Variants in ZFHX3 observed in about 807,000 individuals in gnomAD.
The protein encoded by ZFHX3 is zinc finger homeobox protein 3.
A neutral mutation model predicts 279.1 loss-of-function variants in ZFHX3; 42 were observed. The observed-to-expected ratio is 0.15, with a 90% confidence interval of 0.12 to 0.19. The LOEUF (loss-of-function observed/expected upper bound fraction) is 0.19. Ranked by LOEUF, ZFHX3 falls within the 10% of genes least tolerant of loss-of-function variation. The probability of loss-of-function intolerance (pLI) is 1.00; values close to 1 mark genes in which losing one functional copy is unlikely to be tolerated. For missense variants in ZFHX3, 4,981 were observed against 4,754.0 expected (o/e 1.05, Z -1.40); for synonymous variants, 2,293 against 1,957.8 (o/e 1.17, Z -4.52).
intron 2 of ZFHX3, among the ~76,000 whole-genome samples, chr16:73,491,673 A>T (rs1378054559): frequency 1.3e-5 from 2 of 152,208 alleles, no homozygotes; most frequent in African/African-American, 4.8e-5. Flanking sequence ...GATATGGTCT[A>T]AAATGAAACT....
chr16:73,147,032 T>C lies in ZFHX3; in HGVS notation c.-1103-3201A>G, dbSNP rs575167293. 4.6e-5 allele frequency among the ~76,000 whole-genome samples: 7 copies of C among 152,282 alleles called. No individual in the cohort carries two copies. In the South Asian group the frequency reaches 1.2e-3, roughly 27 times the overall value. ...TAGGGAGAAAAGTGAGGTTGGGAAA[T>C]GAACTGGAATTGTTTTTCTTGGAAA... On this transcript the variant is annotated intron_variant, in intron 5 of 17. Transcript: ENST00000641206.
chr16:72,914,995 C>A (rs940448920), intron 3 of ZFHX3, among the ~76,000 whole-genome samples: 6 of 152,008 alleles, frequency 3.9e-5, no homozygotes, highest in African/African-American at 1.5e-4. Flanking sequence ...CATCTAAAAG[C>A]AAACAAACAA....
At chr16:72,864,194 T>C (rs1038844808) in intron 4 of ZFHX3, among the ~76,000 whole-genome samples, 2 of 152,296 alleles carry the variant, frequency 1.3e-5, no homozygotes, top group South Asian at 4.1e-4. Context: ...CATCTTATGT[T>C]TGATTTTAAT....
chr16:72,874,198 A>ATTTTTTTTTTTT (rs565664402), intron 4 of ZFHX3, among the ~76,000 whole-genome samples: 48 of 95,134 alleles, frequency 5.0e-4, no homozygotes, highest in South Asian at 7.6e-4. Flanking sequence ...GGATTTTTTG[A>ATTTTTTTTTTTT]TTTTTTTTTT....
chr16:73,804,915 G>GAGGGAGAGGGAGGGAGAGAGA (rs1213343893), intron 1 of ZFHX3, among the ~76,000 whole-genome samples: 4 of 119,094 alleles, frequency 3.4e-5, no homozygotes, highest in African/African-American at 1.6e-4. Context: ...GGGAGGGAGG[G>GAGGGAGAGGGAGGGAGAGAGA]GAGGGAGAGG....
intron 1 of ZFHX3, among the ~76,000 whole-genome samples, chr16:72,974,387 G>C (rs1247245716): frequency 6.6e-6 from 1 of 152,190 alleles, no homozygotes; most frequent in Non-Finnish European, 1.5e-5. Flanking sequence ...TTGGGCGAAG[G>C]AAAGTTTCCC....
At chr16:73,045,485 T>G (rs1160297197) in intron 1 of ZFHX3, among the ~76,000 whole-genome samples, 1 of 152,144 alleles carries the variant, frequency 6.6e-6, no homozygotes, top group Non-Finnish European at 1.5e-5. Context: ...GGCACTTCAC[T>G]GTCCTGGTGG....
chr16:73,862,733 C>T (rs553169196), intron 1 of ZFHX3, among the ~76,000 whole-genome samples: 16 of 152,088 alleles, frequency 1.1e-4, no homozygotes, highest in South Asian at 4.1e-4. Flanking sequence ...GCTGTGATCA[C>T]GCCACTGCAC....
At position 73,325,824 on chromosome 16, in the gene ZFHX3, C is replaced by A. The variant is rs1256421357; in HGVS notation, c.-1290-7488G>T. Among the ~76,000 whole-genome samples, 8 of 151,936 alleles carry A rather than the reference C, an allele frequency of 5.3e-5. No individual in the cohort carries two copies. The East Asian group carries it at 1.6e-3, about 29-fold the overall frequency. On this transcript the variant is annotated intron_variant, in intron 3 of 17. Coordinates refer to the ZFHX3 transcript ENST00000641206. Reference sequence around the variant, plus strand: ...TAGAAGGGAAAGGCAGAAGGGCATGCCAATTAGAAGGAGCAGCATATACAG... The same window carrying A: ...TAGAAGGGAAAGGCAGAAGGGCATGACAATTAGAAGGAGCAGCATATACAG...
intron 3 of ZFHX3, among the ~76,000 whole-genome samples, chr16:73,358,719 G>A (rs1410872025): frequency 6.6e-6 from 1 of 152,216 alleles, no homozygotes; most frequent in South Asian, 2.1e-4. Flanking sequence ...CAACAGATAT[G>A]GACTGTAAAA....
chr16:73,200,792 T>A (rs1227745615), intron 5 of ZFHX3, among the ~76,000 whole-genome samples: 1 of 152,218 alleles, frequency 6.6e-6, no homozygotes, highest in Non-Finnish European at 1.5e-5. Flanking sequence ...AAGGAGCTAT[T>A]TAGCATTTGA....
At chr16:73,371,740 C>T (rs1342916189) in intron 3 of ZFHX3, among the ~76,000 whole-genome samples, 1 of 152,180 alleles carries the variant, frequency 6.6e-6, no homozygotes, top group East Asian at 1.9e-4. Flanking sequence ...CATGCTAAGC[C>T]CATTTTCCAT....
intron 2 of ZFHX3, among the ~76,000 whole-genome samples, chr16:73,588,424 C>T (rs966456637): frequency 1.3e-5 from 2 of 151,816 alleles, no homozygotes; most frequent in Non-Finnish European, 2.9e-5. Flanking sequence ...CGGTGGCTCA[C>T]GCCTGTAGTC....
chr16:72,870,323 T>C, intron 4 of ZFHX3, among the ~76,000 whole-genome samples: 1 of 148,876 alleles, frequency 6.7e-6, no homozygotes, highest in East Asian at 2.0e-4. Flanking sequence ...GCCCAGGAGG[T>C]GGAGGTTGCA....
intron 1 of ZFHX3, among the ~76,000 whole-genome samples, chr16:73,039,732 A>C (rs1008084487): frequency 7.2e-5 from 11 of 152,092 alleles, no homozygotes; most frequent in Non-Finnish European, 1.6e-4. Context: ...ATGGAGTTTC[A>C]CCACGTTGCC....
intron 1 of ZFHX3, among the ~76,000 whole-genome samples, chr16:73,743,165 A>G (rs1377270847): frequency 6.6e-6 from 1 of 152,196 alleles, no homozygotes; most frequent in Non-Finnish European, 1.5e-5. Context: ...TTTCTACTTA[A>G]TGATATAATT....
intron 2 of ZFHX3, among the ~76,000 whole-genome samples, chr16:73,665,012 T>C (rs1164780671): frequency 1.3e-5 from 2 of 152,146 alleles, no homozygotes; most frequent in East Asian, 1.9e-4. Flanking sequence ...TTAACAAATA[T>C]TGTGTTAGTG....
intron 4 of ZFHX3, among the ~76,000 whole-genome samples, chr16:72,832,849 G>A (rs2037097150): frequency 6.6e-6 from 1 of 152,224 alleles, no homozygotes. Context: ...TGAACTGTCT[G>A]GTCCTGGAGA....
At chr16:73,581,935 A>G (rs1409765482) in intron 2 of ZFHX3, among the ~76,000 whole-genome samples, 4 of 151,614 alleles carry the variant, frequency 2.6e-5, no homozygotes, top group African/African-American at 9.7e-5. Flanking sequence ...TGGCCTCCCA[A>G]AGTGCTGGGA....
Sources: allele counts gnomAD v4.1 joint callset (sites outside exome capture counted in the v4.1 genomes callset), GRCh38; gene constraint gnomAD v4.1.1; transcripts MANE v1.5; gene names NCBI Gene and HGNC (gene_info 2026-07-23, HGNC 2026-07-21).